HDGFL2: variants seen among roughly 807,000 people sequenced by gnomAD.
HDGFL2 encodes HDGF like 2.
Under a neutral mutation model 77.1 loss-of-function variants are expected in HDGFL2, and 36 were observed. The ratio of observed to expected loss-of-function variants is 0.47; its 90% CI spans 0.36 to 0.62. HDGFL2 has a LOEUF of 0.62. Ranked by LOEUF, HDGFL2 falls within the 20% of genes least tolerant of loss-of-function variation. The pLI is 0.00. For missense variants in HDGFL2, 976 were observed against 973.4 expected, an observed-to-expected ratio of 1.00 and a Z score of -0.04; for synonymous variants, 463 against 413.1, an observed-to-expected ratio of 1.12 and a Z score of -1.46.
chr19:4,491,678 A>G lies in HDGFL2; in HGVS notation c.602A>G (p.Asp201Gly). 1 of 1,614,010 alleles carries G rather than the reference A, an allele frequency of 6.2e-7. No homozygotes were observed. ...TCATCTGAGTCGGAGAAGACCAGCG[A>G]CCAGGTGGGCCAGTGGCTCCTTGGG... ...ESSSESEKTS[D>G]QDFTPEKKAA... Residue 201 changes from aspartate to glycine, a missense_variant, in exon 5 of 16, where the codon GAC (aspartate) becomes GGC (glycine). Coordinates refer to ENST00000616600, the MANE Select transcript of HDGFL2 (RefSeq NM_001001520.3).
At position 4,496,424 on chromosome 19, in the gene HDGFL2, C is replaced by T. The variant is rs756813962; in HGVS notation, c.1328+19C>T. 1.9e-6 allele frequency: 3 copies of T among 1,602,030 alleles called. No individual in the cohort carries two copies. The African/African-American group carries it at 4.0e-5, about 21-fold the overall frequency. On this transcript the variant is annotated intron_variant, in intron 10 of 15. Coordinates refer to ENST00000616600, the MANE Select transcript of HDGFL2 (RefSeq NM_001001520.3). ...AAGCCAAGTGAGCCCTGCTCTGCCC[C>T]TCCACACCCTGGGGGCCCCGCACCC...
At chr19:4,482,839 C>A (rs1246919748) in intron 3 of HDGFL2, among the ~76,000 whole-genome samples, 5 of 151,684 alleles carry the variant, frequency 3.3e-5, no homozygotes, top group Non-Finnish European at 5.9e-5. Context: ...CTATAACTGC[C>A]GGTGGCTCCT....
In HDGFL2 at chr19:4,498,796, T is replaced by C. The variant is rs765892470; in HGVS notation, c.1474-18T>C. On this transcript the variant is annotated intron_variant, in intron 12 of 15. Coordinates refer to ENST00000616600, the MANE Select transcript of HDGFL2 (RefSeq NM_001001520.3). ...CCCTTGGCCAGGCCGTCTCCCTCAC[T>C]CCCACCCCACCCTGCAGGACGTGAA... The C allele has an allele frequency of 3.8e-6, 6 of 1,576,744 alleles. No homozygotes were observed.
chr19:4,479,379 C>A (rs754493208), intron 3 of HDGFL2, among the ~76,000 whole-genome samples: 1 of 150,904 alleles, frequency 6.6e-6, no homozygotes, highest in Non-Finnish European at 1.5e-5. Context: ...GTCAGGTGAT[C>A]GAGACCATCC....
At chr19:4,472,833 G>A (rs944355980) in intron 1 of HDGFL2, among the ~76,000 whole-genome samples, 5 of 148,726 alleles carry the variant, frequency 3.4e-5, no homozygotes, top group African/African-American at 9.9e-5. Context: ...GGGGGTCCTC[G>A]GCCTCAGGGA....
At chr19:4,480,124 G>A (rs1042542729) in intron 3 of HDGFL2, among the ~76,000 whole-genome samples, 1 of 152,048 alleles carries the variant, frequency 6.6e-6, no homozygotes, top group African/African-American at 2.4e-5. Context: ...TGCAAGGAGC[G>A]CCCACTGGTA....
chr19:4,473,779 G>T (rs551141943), intron 1 of HDGFL2, among the ~76,000 whole-genome samples: 5 of 151,962 alleles, frequency 3.3e-5, no homozygotes, highest in African/African-American at 1.2e-4. Flanking sequence ...CATCGGGACT[G>T]TTGGGGGACC....
intron 11 of HDGFL2, 72 bp downstream of exon 11, chr19:4,498,103 G>A (rs937482406): frequency 4.7e-5 from 65 of 1,393,916 alleles, no homozygotes; most frequent in South Asian, 1.6e-4. Context: ...TGGCGTGGCT[G>A]GCCTGTCCCG....
chr19:4,501,062 G>A, intron 14 of HDGFL2, 129 bp from the exon 15 acceptor site: 5 of 1,114,304 alleles, frequency 4.5e-6, no homozygotes, highest in South Asian at 3.0e-5. Flanking sequence ...AGGTGCTGGG[G>A]TCCAGGTGGA....
intron 3 of HDGFL2, among the ~76,000 whole-genome samples, chr19:4,479,829 C>T (rs1460627665): frequency 6.6e-6 from 1 of 151,308 alleles, no homozygotes; most frequent in Non-Finnish European, 1.5e-5. Flanking sequence ...TCTCTTGAAC[C>T]CGGGAGGCGG....
At chr19:4,497,661 C>A in intron 10 of HDGFL2, 1 of 462,272 alleles carries the variant, frequency 2.2e-6, no homozygotes. Flanking sequence ...TCCTAGCTCG[C>A]TGACTCTGGT....
chr19:4,502,148 CTAATTTCTG>C lies in HDGFL2; in HGVS notation c.*140_*148del. The C allele has an allele frequency of 1.4e-6, 1 of 714,496 alleles. No individual in the cohort carries two copies. Among genetic ancestry groups the C allele is most frequent in the Non-Finnish European group, 2.5e-6 (1 of 402,744 alleles). 44.3% of individuals were successfully genotyped at this position (714,496 alleles called of 1,614,324 possible). A position where few individuals can be genotyped will look rare whatever the true frequency, so the allele number is the denominator to read the frequency against. On this transcript the variant is annotated 3_prime_UTR_variant, in exon 16 of 16. Coordinates refer to ENST00000616600, the MANE Select transcript of HDGFL2 (RefSeq NM_001001520.3). ...GTTCCCTTGGGTTTTTTTTTCCTGCCTAATTTCTGTGATTTCCAACCAACATGAAATGAC... is the reference window on the plus strand; with the variant it reads ...GTTCCCTTGGGTTTTTTTTTCCTGCCTGATTTCCAACCAACATGAAATGAC...
At chr19:4,492,746 GTGTT>G (rs929437449) in intron 6 of HDGFL2, among the ~76,000 whole-genome samples, 2 of 135,586 alleles carry the variant, frequency 1.5e-5, no homozygotes, top group Admixed American at 7.3e-5. Flanking sequence ...TGTGTGTTGG[GTGTT>G]TGTGTGTCTG....
intron 9 of HDGFL2, among the ~76,000 whole-genome samples, chr19:4,495,971 G>T (rs1301348687): frequency 6.6e-6 from 1 of 152,126 alleles, no homozygotes; most frequent in East Asian, 1.9e-4. Flanking sequence ...CACGAACAGC[G>T]CCGTGTTCTC....
chr19:4,478,099 A>G, intron 3 of HDGFL2, among the ~76,000 whole-genome samples: 1 of 148,678 alleles, frequency 6.7e-6, no homozygotes, highest in African/African-American at 2.5e-5. Context: ...AAAAAAAAAG[A>G]TGCAGATTCC....
chr19:4,499,738 G>T, intron 14 of HDGFL2, 34 bp downstream of exon 14: 3 of 1,452,962 alleles, frequency 2.1e-6, no homozygotes, highest in Non-Finnish European at 2.8e-6. Flanking sequence ...CTGTACCTCA[G>T]TCTCCTCAGC....
In HDGFL2 at chr19:4,502,033, C is replaced by T. The variant is rs1975917209; in HGVS notation, c.*23C>T. 3.3e-6 allele frequency: 5 copies of T among 1,506,728 alleles called. No individual in the cohort carries two copies. The highest frequency in any genetic ancestry group is 1.4e-5 in the African/African-American group (1 of 71,942). The allele number at this position is 1,506,728 out of a possible 1,614,324, so 93.3% of individuals were successfully genotyped here. A position where few individuals can be genotyped will look rare whatever the true frequency, so the allele number is the denominator to read the frequency against. ...TGAGCCGCGGGCAGCCAGGCCCAGC[C>T]CCCGCCCGAGCTCAGGCTGCCCCTC... On this transcript the variant is annotated 3_prime_UTR_variant, in exon 16 of 16. Coordinates refer to ENST00000616600, the MANE Select transcript of HDGFL2 (RefSeq NM_001001520.3).
chr19:4,496,976 C>T (rs530862663), intron 10 of HDGFL2: 32 of 382,372 alleles, frequency 8.4e-5, no homozygotes, highest in South Asian at 5.3e-4. Context: ...CGGGTTCAAG[C>T]GATTCTCCTG....
chr19:4,481,940 C>G (rs1452644532), intron 3 of HDGFL2, among the ~76,000 whole-genome samples: 1 of 151,850 alleles, frequency 6.6e-6, no homozygotes, highest in Non-Finnish European at 1.5e-5. Flanking sequence ...AGTCACACCC[C>G]CTGCCCTGAT....
Sources: gnomAD v4.1 joint callset for allele counts (sites outside exome capture counted in the v4.1 genomes callset) on GRCh38, gnomAD v4.1.1 for gene constraint, MANE v1.5 for transcripts, NCBI Gene and HGNC (gene_info 2026-07-23, HGNC 2026-07-21) for gene names.